Variants in ARSB observed in about 807,000 individuals in gnomAD.
The protein encoded by ARSB is arylsulfatase B.
In ARSB, 41 loss-of-function variants were observed where a neutral mutation model predicts 50.9. The ratio of observed to expected loss-of-function variants is 0.81; its 90% CI spans 0.63 to 1.04. ARSB has a LOEUF of 1.04. ARSB is among the 50% of genes least tolerant of loss of function. The probability of loss-of-function intolerance (pLI) is 0.00; values close to 1 mark genes in which losing one functional copy is unlikely to be tolerated. For missense variants in ARSB, 672 were observed against 693.3 expected, an observed-to-expected ratio of 0.97 and a Z score of 0.35; for synonymous variants, 269 against 284.8, an observed-to-expected ratio of 0.94 and a Z score of 0.56.
chr5:78,863,579 G>A lies in ARSB; in HGVS notation c.1142+22005C>T, dbSNP rs1442128976. On this transcript the variant is annotated intron_variant, in intron 5 of 7. Coordinates refer to ENST00000264914, the MANE Select transcript of ARSB (RefSeq NM_000046.5). ...CAATGAGGACACTTGGACACGGGGC[G>A]GGGAACATCACACACTGGGGCCTGT... 6.2e-5 allele frequency among the ~76,000 whole-genome samples: 9 copies of A among 144,202 alleles called. No individual in the cohort carries two copies. In the East Asian group the frequency reaches 6.8e-4, roughly 11 times the overall value. 94.6% of individuals were successfully genotyped at this position (144,202 alleles called of 152,430 possible). A position where few individuals can be genotyped will look rare whatever the true frequency, so the allele number is the denominator to read the frequency against.
intron 5 of ARSB, among the ~76,000 whole-genome samples, chr5:78,866,104 G>C (rs1293523741): frequency 6.6e-6 from 1 of 152,068 alleles, no homozygotes; most frequent in Non-Finnish European, 1.5e-5. Context: ...CCACTCTACT[G>C]GGCCAATTTA....
intron 4 of ARSB, among the ~76,000 whole-genome samples, chr5:78,896,647 G>C (rs1458201269): frequency 6.6e-6 from 1 of 152,010 alleles, no homozygotes; most frequent in African/African-American, 2.4e-5. Context: ...TTATTGTTTT[G>C]GTTATTTTGA....
intron 5 of ARSB, among the ~76,000 whole-genome samples, chr5:78,849,180 C>A (rs36176060): frequency 0.26 from 39,074 of 150,850 alleles, 6,612 homozygotes; most frequent in African/African-American, 0.49. Context: ...GTTTTCTTCT[C>A]GGGTTTTTAT....
chr5:78,906,781 C>T (rs1454485343), intron 4 of ARSB, among the ~76,000 whole-genome samples: 3 of 152,182 alleles, frequency 2.0e-5, no homozygotes, highest in Non-Finnish European at 4.4e-5. Context: ...TTGTTGACTT[C>T]CTCCATCCTG....
Position 78,863,647 on chromosome 5 carries a change from A to G in ARSB, c.1142+21937T>C, listed in dbSNP as rs185533127. Among the ~76,000 whole-genome samples the G allele has an allele frequency of 5.7e-3, 867 of 151,966 alleles. 18 individuals carry two copies. The highest frequency in any genetic ancestry group is 4.6e-3 in the Non-Finnish European group (312 of 67,984). On this transcript the variant is annotated intron_variant, in intron 5 of 7. Transcript: ENST00000264914. The stretch of plus-strand genomic sequence containing the variant: ...GGGTAGGGATGGCATTAAGAGAAAT[A>G]CCTATTGTAAATGATGTGTTAATGG...
In ARSB at chr5:78,976,194, T is replaced by G. The variant is rs57140021; in HGVS notation, c.313-7002A>C. ...GTGGGGAGACAGGCTGAAAAGATCC[T>G]CATCTACATGTTTATATTTTTTACA... On this transcript the variant is annotated intron_variant, in intron 1 of 7. Transcript: ENST00000264914. Among the ~76,000 whole-genome samples the G allele has an allele frequency of 2.9e-3, 443 of 151,712 alleles. 2 individuals are homozygous for G. The highest frequency in any genetic ancestry group is 9.9e-3 in the African/African-American group (412 of 41,458).
At chr5:78,816,601 T>C (rs1389981436) in intron 6 of ARSB, among the ~76,000 whole-genome samples, 1 of 152,246 alleles carries the variant, frequency 6.6e-6, no homozygotes. Context: ...AGCATCTGCA[T>C]GGGCCTAACC....
chr5:78,882,775 A>ATTTTTTT (rs71001134), intron 5 of ARSB: 4 of 75,732 alleles, frequency 5.3e-5, no homozygotes, highest in Non-Finnish European at 9.5e-5. Context: ...GATTTGAGTG[A>ATTTTTTT]TTTTTTTTTT....
At chr5:78,839,204 T>A in intron 6 of ARSB, 152 bp downstream of exon 6, 1 of 728,212 alleles carries the variant, frequency 1.4e-6, no homozygotes, top group Non-Finnish European at 2.4e-6. Flanking sequence ...CACACTGCCC[T>A]CTGAGATGAG....
intron 6 of ARSB, among the ~76,000 whole-genome samples, chr5:78,808,362 T>C (rs1041554925): frequency 4.6e-5 from 7 of 152,168 alleles, no homozygotes; most frequent in Non-Finnish European, 8.8e-5. Context: ...GATACTATTA[T>C]ATTAGTAGGA....
At chr5:78,960,104 C>T (rs1434121452) in intron 3 of ARSB, among the ~76,000 whole-genome samples, 1 of 152,212 alleles carries the variant, frequency 6.6e-6, no homozygotes, top group Non-Finnish European at 1.5e-5. Flanking sequence ...TAACCCTTTC[C>T]AGTGTCTTGG....
rs1179934425 is a variant in ARSB at position 78,871,732 on chromosome 5, T to A, written c.1142+13852A>T. ...AAAACCCTAGAAGAAAACCTAGGCA[T>A]TACCATTCAGGACATAGGCGTGGGC... is the stretch of plus-strand genomic sequence containing the variant. On this transcript the variant is annotated intron_variant, in intron 5 of 7. Coordinates refer to ENST00000264914, the MANE Select transcript of ARSB (RefSeq NM_000046.5). Among the ~76,000 whole-genome samples, 10 of 137,622 alleles carry A rather than the reference T, an allele frequency of 7.3e-5. No individual in the cohort carries two copies. In the South Asian group the frequency reaches 1.0e-3, roughly 14 times the overall value. The allele number at this position is 137,622 out of a possible 152,430, so 90.3% of individuals were successfully genotyped here. A position where few individuals can be genotyped will look rare whatever the true frequency, so the allele number is the denominator to read the frequency against.
At chr5:78,787,329 T>C (rs1235551695) in intron 6 of ARSB, among the ~76,000 whole-genome samples, 2 of 152,102 alleles carry the variant, frequency 1.3e-5, no homozygotes, top group African/African-American at 4.8e-5. Flanking sequence ...CAAGCCTGAG[T>C]CCTCCCACTT....
At chr5:78,818,928 G>A (rs1271708894) in intron 6 of ARSB, among the ~76,000 whole-genome samples, 1 of 151,956 alleles carries the variant, frequency 6.6e-6, no homozygotes, top group Non-Finnish European at 1.5e-5. Context: ...TCCCACCCTT[G>A]CCCTGGCCCT....
intron 4 of ARSB, among the ~76,000 whole-genome samples, chr5:78,950,148 T>C (rs1429795297): frequency 2.0e-5 from 3 of 152,120 alleles, no homozygotes; most frequent in Non-Finnish European, 4.4e-5. Context: ...GCATCCAGAA[T>C]ACAATGGTGT....
chr5:78,970,441 A>G (rs1752404433), intron 1 of ARSB, among the ~76,000 whole-genome samples: 1 of 152,206 alleles, frequency 6.6e-6, no homozygotes. Context: ...AAAATTTATA[A>G]TTTGTTTTAA....
intron 4 of ARSB, among the ~76,000 whole-genome samples, chr5:78,948,334 G>T (rs1034697338): frequency 7.2e-5 from 11 of 151,866 alleles, no homozygotes; most frequent in African/African-American, 2.7e-4. Context: ...AATGCTTGAG[G>T]GCATAGATAT....
chr5:78,835,088 G>A (rs977698912), intron 6 of ARSB, among the ~76,000 whole-genome samples: 2 of 151,916 alleles, frequency 1.3e-5, no homozygotes, highest in African/African-American at 2.4e-5. Flanking sequence ...CTGCAGAATG[G>A]TGAATCTCCT....
chr5:78,781,283 C>A (rs976181384), intron 7 of ARSB, among the ~76,000 whole-genome samples: 4 of 151,080 alleles, frequency 2.6e-5, no homozygotes, highest in African/African-American at 9.8e-5. Flanking sequence ...TCCTTTCACC[C>A]CTGCTACAGT....
Sources: allele counts gnomAD v4.1 joint callset (sites outside exome capture counted in the v4.1 genomes callset), GRCh38; gene constraint gnomAD v4.1.1; transcripts MANE v1.5; gene names NCBI Gene and HGNC (gene_info 2026-07-23, HGNC 2026-07-21).